The following COL22A1 variants were observed in gnomAD, a reference collection of about 807,000 sequenced individuals.
The protein encoded by COL22A1 is collagen alpha-1(XXII) chain.
Under a neutral mutation model 248.9 loss-of-function variants are expected in COL22A1, and 221 were observed. The observed-to-expected ratio is 0.89, with a 90% CI of 0.80 to 0.99. The LOEUF (loss-of-function observed/expected upper bound fraction) is 0.99, where lower values mean the gene tolerates loss of function less well. Among genes scored for constraint, COL22A1 ranks in the 50% least tolerant of loss-of-function variants. COL22A1 has a pLI of 0.00. For synonymous variants in COL22A1, 891 were observed against 793.4 expected, an observed-to-expected ratio of 1.12 and a Z score of -2.07; for missense variants, 2,240 against 2,179.0, an observed-to-expected ratio of 1.03 and a Z score of -0.56.
chr8:138,791,473 C>T (rs1005979952), intron 12 of COL22A1, among the ~76,000 whole-genome samples: 2 of 152,154 alleles, frequency 1.3e-5, no homozygotes, highest in Admixed American at 6.5e-5. Context: ...AACTTAAGAG[C>T]GCTTGCATTT....
intron 1 of COL22A1, among the ~76,000 whole-genome samples, chr8:138,891,629 A>G (rs1825078356): frequency 6.6e-6 from 1 of 152,164 alleles, no homozygotes; most frequent in East Asian, 1.9e-4. Flanking sequence ...TGACTCCCAT[A>G]TCTAGGAGTC....
chr8:138,608,692 G>A (rs1006134673), intron 56 of COL22A1, among the ~76,000 whole-genome samples: 6 of 152,146 alleles, frequency 3.9e-5, no homozygotes, highest in Non-Finnish European at 8.8e-5. Flanking sequence ...AATGTTCTTG[G>A]CTACTCCCTT....
At chr8:138,652,630 A>C (rs1445341056) in intron 45 of COL22A1, among the ~76,000 whole-genome samples, 3 of 151,956 alleles carry the variant, frequency 2.0e-5, no homozygotes, top group Non-Finnish European at 4.4e-5. Context: ...ATGCATACAA[A>C]GTGCCTAGCA....
chr8:138,694,149 T>C (rs1239001876), intron 34 of COL22A1, among the ~76,000 whole-genome samples: 1 of 152,196 alleles, frequency 6.6e-6, no homozygotes, highest in Non-Finnish European at 1.5e-5. Context: ...TGGGATCCAT[T>C]TCCTGTTCTG....
chr8:138,663,780 G>C (rs751114546), intron 41 of COL22A1, 40 bp from the exon 42 acceptor site: 2 of 1,516,902 alleles, frequency 1.3e-6, no homozygotes, highest in Non-Finnish European at 1.8e-6. Flanking sequence ...AAGTAGAAAT[G>C]GCATGCTGAT....
In COL22A1 at chr8:138,853,710, G is replaced by A. The variant is rs115106665; in HGVS notation, c.659-9552C>T. On this transcript the variant is annotated intron_variant, in intron 3 of 64. Transcript: ENST00000303045. Reference sequence around the variant, plus strand: ...GGCGGTGCTAGTGTAAGAAAGAAAAGAAAAAGGAAAGACATGTCAGTTACC... The same window carrying A: ...GGCGGTGCTAGTGTAAGAAAGAAAAAAAAAAGGAAAGACATGTCAGTTACC... Among the ~76,000 whole-genome samples, 1,413 of 152,184 alleles carry A rather than the reference G, an allele frequency of 9.3e-3. 27 individuals carry two copies. Among genetic ancestry groups the A allele is most frequent in the African/African-American group, 0.033 (1,355 of 41,510 alleles).
chr8:138,826,675 G>C lies in COL22A1; in HGVS notation c.952C>G (p.Gln318Glu), dbSNP rs753176046. Residue 318 changes from glutamine (Q) to glutamate (E), a missense_variant, in exon 6 of 65, where the codon CAG (glutamine) becomes GAG (glutamate). Coordinates refer to ENST00000303045, the MANE Select transcript of COL22A1 (RefSeq NM_152888.3). The stretch of plus-strand genomic sequence containing the variant: ...GCCCTTACCTGTGGGATGCTGTACT[G>C]GTCGATGACCTGCCAGATATACCAG... ...EDWYIWQVID[Q>E]YSIPQVSIRL... is the part of the protein sequence containing the mutation. 2 of 1,613,814 alleles carry C rather than the reference G, an allele frequency of 1.2e-6. No homozygotes were observed. The highest frequency in any genetic ancestry group is 1.1e-5 in the South Asian group (1 of 91,046).
chr8:138,851,926 G>A lies in COL22A1; in HGVS notation c.659-7768C>T, dbSNP rs575140821. Among the ~76,000 whole-genome samples the A allele has an allele frequency of 2.3e-4, 35 of 152,274 alleles. 1 individual carries two copies. The South Asian group carries it at 7.1e-3, about 31-fold the overall frequency. ...AAAATGTGTGTGATGACAGCAGGTG[G>A]GGGCAGTAGTAGGGAAGCTCTAAGG... On this transcript the variant is annotated intron_variant, in intron 3 of 64. Transcript: ENST00000303045.
At chr8:138,845,736 C>A (rs559717673) in intron 3 of COL22A1, among the ~76,000 whole-genome samples, 1 of 152,188 alleles carries the variant, frequency 6.6e-6, no homozygotes, top group East Asian at 1.9e-4. Flanking sequence ...AATATGCACA[C>A]ATTTGTCACA....
intron 16 of COL22A1, among the ~76,000 whole-genome samples, chr8:138,773,784 C>A (rs559284379): frequency 1.3e-5 from 2 of 152,332 alleles, no homozygotes; most frequent in South Asian, 4.1e-4. Context: ...TCTGACTGCA[C>A]CCTCAGGTGA....
At chr8:138,817,212 GA>G (rs1454790205) in intron 7 of COL22A1, among the ~76,000 whole-genome samples, 1 of 152,192 alleles carries the variant, frequency 6.6e-6, no homozygotes, top group Non-Finnish European at 1.5e-5. Context: ...GTGAGTTAGG[GA>G]AAGGAAGCTA....
intron 20 of COL22A1, 29 bp from the exon 21 acceptor site, chr8:138,755,239 G>C: frequency 6.2e-7 from 1 of 1,610,750 alleles, no homozygotes; most frequent in South Asian, 1.1e-5. Context: ...CAGATGTTTA[G>C]TCATGACTTT....
At chr8:138,599,068 T>G (rs1470946354) in intron 60 of COL22A1, among the ~76,000 whole-genome samples, 170 bp from the exon 61 acceptor site, 1 of 152,208 alleles carries the variant, frequency 6.6e-6, no homozygotes, top group African/African-American at 2.4e-5. Context: ...ATCCATCACA[T>G]GCACTGTCCT....
intron 14 of COL22A1, among the ~76,000 whole-genome samples, chr8:138,779,159 A>G (rs1814735923): frequency 6.6e-6 from 1 of 152,220 alleles, no homozygotes; most frequent in African/African-American, 2.4e-5. Flanking sequence ...ATATATTACA[A>G]TACATCCATA....
At position 138,780,630 on chromosome 8, in the gene COL22A1, G is replaced by A. The variant is rs992634936; in HGVS notation, c.1650+297C>T. Among the ~76,000 whole-genome samples the A allele has an allele frequency of 2.6e-5, 4 of 152,136 alleles. No homozygotes were observed. In the East Asian group the frequency reaches 5.8e-4, roughly 22 times the overall value. On this transcript the variant is annotated intron_variant, in intron 13 of 64. Transcript: ENST00000303045. ...TTAAGCAAATCCATTGCCTCGCTGG[G>A]GCTAGTTCCAAGTCTAGGCACGGGG...
chr8:138,868,199 G>A (rs1038701923), intron 3 of COL22A1, among the ~76,000 whole-genome samples: 9 of 152,148 alleles, frequency 5.9e-5, no homozygotes, highest in South Asian at 2.1e-4. Context: ...CATGGCCTCC[G>A]AGGAAGAGAG....
At chr8:138,672,677 C>T (rs1255610764) in intron 41 of COL22A1, among the ~76,000 whole-genome samples, 1 of 152,208 alleles carries the variant, frequency 6.6e-6, no homozygotes, top group African/African-American at 2.4e-5. Flanking sequence ...CTGAGAAAGA[C>T]ATCAGGCAAA....
chr8:138,906,944 C>A (rs1815077087), intron 1 of COL22A1, among the ~76,000 whole-genome samples: 1 of 152,222 alleles, frequency 6.6e-6, no homozygotes, highest in East Asian at 1.9e-4. Flanking sequence ...TGAGCCACCA[C>A]ACCTGGGCAA....
intron 44 of COL22A1, among the ~76,000 whole-genome samples, chr8:138,659,597 ACT>A (rs1230726698): frequency 1.3e-5 from 2 of 151,640 alleles, no homozygotes; most frequent in African/African-American, 4.8e-5. Context: ...GCTGCCTCCC[ACT>A]CTCTCAGGCC....
Sources: allele counts gnomAD v4.1 joint callset (sites outside exome capture counted in the v4.1 genomes callset), GRCh38; gene constraint gnomAD v4.1.1; transcripts MANE v1.5; gene names NCBI Gene and HGNC (gene_info 2026-07-23, HGNC 2026-07-21).